The following USP33 variants were observed in gnomAD, a reference collection of about 807,000 sequenced individuals.
USP33 encodes the protein ubiquitin carboxyl-terminal hydrolase 33.
In USP33, 46 loss-of-function variants were observed where a neutral mutation model predicts 124.2. That is an observed-to-expected ratio of 0.37 (90% CI 0.29 to 0.47). The LOEUF (loss-of-function observed/expected upper bound fraction) is 0.47. Ranked by LOEUF, USP33 falls within the 20% of genes least tolerant of loss-of-function variation. The pLI is 0.99. For synonymous variants in USP33, 350 were observed against 352.3 expected (o/e 0.99, Z 0.07); for missense variants, 851 against 1,070.6 (o/e 0.79, Z 2.86).
chr1:77,707,374 A>T (rs1027366431), intron 21 of USP33, among the ~76,000 whole-genome samples: 2 of 151,870 alleles, frequency 1.3e-5, no homozygotes, highest in Non-Finnish European at 1.5e-5. Flanking sequence ...CATGATTTTC[A>T]CCTCTTCTCT....
At chr1:77,725,352 T>C (rs1317011438) in intron 11 of USP33, among the ~76,000 whole-genome samples, 2 of 152,228 alleles carry the variant, frequency 1.3e-5, no homozygotes, top group Non-Finnish European at 2.9e-5. Flanking sequence ...TTCTGTATTC[T>C]GTTTGTGGTG....
rs765863232 is a variant in USP33, at chr1:77,714,819, A to G, written c.2046-36T>C. On this transcript the variant is annotated intron_variant, in intron 18 of 23. Transcript: ENST00000370794. ...CAATGATTAGTTAAATTCAATATGCATTTTACTACATTACTAGTAGATGGA... is the reference window on the plus strand; with the variant it reads ...CAATGATTAGTTAAATTCAATATGCGTTTTACTACATTACTAGTAGATGGA... 9.4e-6 allele frequency: 15 copies of G among 1,593,626 alleles called. No homozygotes were observed. In the East Asian group the frequency reaches 3.4e-4, roughly 36 times the overall value.
At position 77,730,660 on chromosome 1, in the gene USP33, T is replaced by A. The variant is rs1169057917; in HGVS notation, c.596A>T (p.Lys199Ile). Residue 199 changes from lysine to isoleucine, a missense_variant, in exon 8 of 24, where the codon AAA becomes ATA. Physicochemically the swap from Lys to Ile is moderately radical, Grantham distance 102. This residue lies in a region of USP33 where 221 missense variants were observed against 302.9 expected (regional missense o/e 0.73). Coordinates refer to ENST00000370794, the MANE Select transcript of USP33 (RefSeq NM_201624.3). ...ARTDKKPAIC[K>I]SYLKLMTELW... The stretch of plus-strand genomic sequence containing the variant: ...CTCTGTCATTAGTTTGAGATAACTT[T>A]TACAAATGGCAGGTTTCTTATCTGT... The A allele has an allele frequency of 1.9e-6, 3 of 1,597,776 alleles. No homozygotes were observed. Among genetic ancestry groups the A allele is most frequent in the Admixed American group, 1.7e-5 (1 of 59,280 alleles).
intron 5 of USP33, among the ~76,000 whole-genome samples, chr1:77,736,918 T>A (rs561037140): frequency 3.5e-4 from 54 of 152,230 alleles, no homozygotes; most frequent in African/African-American, 1.3e-3. Context: ...TGCACACTTT[T>A]ACGTATATTA....
At chr1:77,750,272 C>G (rs757851211) in intron 1 of USP33, among the ~76,000 whole-genome samples, 6 of 150,950 alleles carry the variant, frequency 4.0e-5, no homozygotes, top group Non-Finnish European at 8.9e-5. Context: ...GAGCCGTGAT[C>G]ACGCCACTGC....
intron 22 of USP33, among the ~76,000 whole-genome samples, chr1:77,700,638 C>T (rs1673899725): frequency 6.6e-6 from 1 of 150,852 alleles, no homozygotes; most frequent in African/African-American, 2.4e-5. Flanking sequence ...AAAGTAAATA[C>T]ATAAATACAA....
intron 17 of USP33, 60 bp from the exon 18 acceptor site, chr1:77,715,928 T>G: frequency 2.0e-6 from 3 of 1,515,950 alleles, no homozygotes; most frequent in Non-Finnish European, 1.8e-6. Flanking sequence ...GAAAGGAGGA[T>G]AAACTTTTTA....
chr1:77,697,981 A>G (rs1570711278), intron 22 of USP33, 50 bp from the exon 23 acceptor site: 3 of 1,531,174 alleles, frequency 2.0e-6, no homozygotes, highest in African/African-American at 1.4e-5. Context: ...GTAACAAAAA[A>G]TTGCATAATT....
chr1:77,709,761 A>C (rs1675028907), intron 21 of USP33, among the ~76,000 whole-genome samples: 1 of 151,750 alleles, frequency 6.6e-6, no homozygotes, highest in Admixed American at 6.6e-5. Context: ...ATATCTATAT[A>C]AACATATAGA....
chr1:77,745,678 T>C (rs1017718720), intron 1 of USP33: 11 of 152,204 alleles, frequency 7.2e-5, no homozygotes, highest in African/African-American at 2.7e-4. Context: ...TATAACAAAC[T>C]GTCTCTCAGA....
chr1:77,752,507 T>G (rs1025489929), intron 1 of USP33, among the ~76,000 whole-genome samples: 4 of 152,194 alleles, frequency 2.6e-5, no homozygotes, highest in Non-Finnish European at 4.4e-5. Context: ...AGAAACTGCC[T>G]GAATTCCATT....
intron 11 of USP33, among the ~76,000 whole-genome samples, chr1:77,725,165 T>C (rs1284853848): frequency 6.6e-6 from 1 of 152,116 alleles, no homozygotes; most frequent in East Asian, 1.9e-4. Context: ...AAAGACTACA[T>C]ATGAAAAGAT....
At chr1:77,717,046 T>C (rs1478367257) in intron 17 of USP33, among the ~76,000 whole-genome samples, 2 of 151,944 alleles carry the variant, frequency 1.3e-5, no homozygotes, top group African/African-American at 4.8e-5. Flanking sequence ...TTTGTATTTT[T>C]AGTAGAGACG....
intron 11 of USP33, among the ~76,000 whole-genome samples, chr1:77,725,259 C>CAA (rs1345060903): frequency 6.6e-6 from 1 of 152,020 alleles, no homozygotes; most frequent in Non-Finnish European, 1.5e-5. Flanking sequence ...AAAAGAGGAT[C>CAA]AAGGGTGCCA....
chr1:77,697,258 G>A lies in USP33; in HGVS notation c.*59C>T, dbSNP rs1442370749. The stretch of plus-strand genomic sequence containing the variant: ...CACGCTTTTAGGAATGTTTTCGCAT[G>A]TGTACATGTCAGGGCACATGAAAAT... On this transcript the variant is annotated 3_prime_UTR_variant, in exon 24 of 24. Coordinates refer to ENST00000370794, the MANE Select transcript of USP33 (RefSeq NM_201624.3). 1.4e-6 allele frequency: 2 copies of A among 1,408,274 alleles called. No homozygotes were observed. The highest frequency in any genetic ancestry group is 2.4e-5 in the East Asian group (1 of 41,294). 87.2% of individuals were successfully genotyped at this position (1,408,274 alleles called of 1,614,324 possible). A position where few individuals can be genotyped will look rare whatever the true frequency, so the allele number is the denominator to read the frequency against.
intron 10 of USP33, 64 bp downstream of exon 10, chr1:77,728,227 ATTAT>A (rs1010962575): frequency 1.2e-5 from 17 of 1,442,140 alleles, no homozygotes; most frequent in South Asian, 5.7e-5. Context: ...CAAAGTAACA[ATTAT>A]TTAAACACCC....
intron 12 of USP33, chr1:77,722,426 G>A (rs1676674640): frequency 2.5e-6 from 1 of 398,526 alleles, no homozygotes; most frequent in East Asian, 4.6e-5. Flanking sequence ...CGTAAGTCCT[G>A]TGCAGTAGTA....
In USP33 at chr1:77,759,830, C is replaced by T. The variant is rs1570893598; in HGVS notation, c.-239G>A. 7.6e-6 allele frequency: 3 copies of T among 396,578 alleles called. No individual in the cohort carries two copies. Among genetic ancestry groups the T allele is most frequent in the South Asian group, 1.3e-4 (1 of 7,590 alleles). 24.6% of individuals were successfully genotyped at this position (396,578 alleles called of 1,614,324 possible). On this transcript the variant is annotated 5_prime_UTR_variant, in exon 1 of 24. Coordinates refer to ENST00000370794, the MANE Select transcript of USP33 (RefSeq NM_201624.3). Reference sequence around the variant, plus strand: ...CTGAACTGGCCACTTCCCGCAGCAGCCGCGGCTCCTTCCGGTGTCTCCGGG... The same window carrying T: ...CTGAACTGGCCACTTCCCGCAGCAGTCGCGGCTCCTTCCGGTGTCTCCGGG...
At chr1:77,717,807 C>T (rs1676096794) in intron 17 of USP33, 60 bp downstream of exon 17, 2 of 1,443,158 alleles carry the variant, frequency 1.4e-6, no homozygotes, top group African/African-American at 1.4e-5. Context: ...AGCCACCACG[C>T]CCAGGCTTAT....
Sources: allele counts gnomAD v4.1 joint callset (sites outside exome capture counted in the v4.1 genomes callset), GRCh38; gene constraint gnomAD v4.1.1; regional missense constraint gnomAD v4.1.1; transcripts MANE v1.5; gene names NCBI Gene and HGNC (gene_info 2026-07-23, HGNC 2026-07-21).